INTU: variants seen among roughly 807,000 people sequenced by gnomAD.
The protein encoded by INTU is inturned planar cell polarity protein, also known as protein inturned.
Under a neutral mutation model 100.5 loss-of-function variants are expected in INTU, and 68 were observed. The observed-to-expected ratio is 0.68, with a 90% CI of 0.56 to 0.83. The LOEUF (loss-of-function observed/expected upper bound fraction) is 0.83, where lower values mean the gene tolerates loss of function less well. Ranked by LOEUF, INTU falls within the 40% of genes least tolerant of loss-of-function variation. INTU has a pLI of 0.00. For missense variants in INTU, 1,071 were observed against 1,114.7 expected, an observed-to-expected ratio of 0.96 and a Z score of 0.56; for synonymous variants, 357 against 395.7, an observed-to-expected ratio of 0.90 and a Z score of 1.16.
chr4:127,703,388 T>G (rs976119716), intron 9 of INTU, among the ~76,000 whole-genome samples: 6 of 152,316 alleles, frequency 3.9e-5, no homozygotes, highest in African/African-American at 1.4e-4. Context: ...CTTATCCCTT[T>G]CTCTCACTTC....
At chr4:127,678,574 C>A (rs1729351943) in intron 6 of INTU, among the ~76,000 whole-genome samples, 1 of 152,144 alleles carries the variant, frequency 6.6e-6, no homozygotes, top group African/African-American at 2.4e-5. Context: ...CACCACCAGG[C>A]CTGCCCTAAA....
At chr4:127,704,912 A>C (rs1730812772) in intron 10 of INTU, among the ~76,000 whole-genome samples, 1 of 151,596 alleles carries the variant, frequency 6.6e-6, no homozygotes, top group Non-Finnish European at 1.5e-5. Flanking sequence ...ACATGGTGAA[A>C]CCCCATCTCT....
intron 15 of INTU, among the ~76,000 whole-genome samples, 177 bp from the exon 16 acceptor site, chr4:127,716,148 T>C (rs1410056453): frequency 2.0e-5 from 3 of 152,222 alleles, no homozygotes; most frequent in Admixed American, 6.5e-5. Flanking sequence ...ACCTAAGGCA[T>C]ATATTATTTA....
chr4:127,685,370 A>G, intron 7 of INTU: 2 of 442,952 alleles, frequency 4.5e-6, no homozygotes, highest in Non-Finnish European at 4.5e-6. Context: ...CAGTTTATAC[A>G]TTTTTCCAAA....
chr4:127,647,364 C>T (rs1484948654), intron 2 of INTU, among the ~76,000 whole-genome samples: 1 of 152,184 alleles, frequency 6.6e-6, no homozygotes, highest in Non-Finnish European at 1.5e-5. Flanking sequence ...CATTCCTTGG[C>T]CAGCTTTCAG....
At chr4:127,708,798 G>T (rs911965667) in intron 13 of INTU, 130 bp downstream of exon 13, 2 of 532,934 alleles carry the variant, frequency 3.8e-6, no homozygotes, top group African/African-American at 3.8e-5. Context: ...GGTAATATCT[G>T]TGGTATTTCT....
chr4:127,648,023 GA>G (rs1433226845), intron 2 of INTU, among the ~76,000 whole-genome samples: 7 of 152,008 alleles, frequency 4.6e-5, no homozygotes, highest in African/African-American at 1.2e-4. Flanking sequence ...TTACATTGAG[GA>G]ACTGTGATAA....
rs763050553 is a variant in INTU at position 127,725,132 on chromosome 4, T to TAAAAAAAA, written c.*8714_*8721dup. 2.5e-5 allele frequency: 2 copies of TAAAAAAAA among 79,334 alleles called. No homozygotes were observed. Among genetic ancestry groups the TAAAAAAAA allele is most frequent in the Non-Finnish European group, 5.4e-5 (2 of 37,016 alleles). The allele number at this position is 79,334 out of a possible 1,614,324, so 4.9% of individuals were successfully genotyped here. ...GAAACCCTGTCTCTACTAAAAATAC[T>TAAAAAAAA]AAAAAAAAAAAAAAAAAAAAAAAAA... On this transcript the variant is annotated 3_prime_UTR_variant, in exon 16 of 16. Transcript: ENST00000335251.
At chr4:127,679,899 C>T (rs1387910312) in intron 6 of INTU, among the ~76,000 whole-genome samples, 1 of 152,018 alleles carries the variant, frequency 6.6e-6, no homozygotes, top group Non-Finnish European at 1.5e-5. Context: ...CAAATAGACG[C>T]AATAAAAAAT....
rs1195717918 is a variant in INTU, at chr4:127,724,553, A to G, written c.*8117A>G. On this transcript the variant is annotated 3_prime_UTR_variant, in exon 16 of 16. Coordinates refer to ENST00000335251, the MANE Select transcript of INTU (RefSeq NM_015693.4). The stretch of plus-strand genomic sequence containing the variant: ...AGTTGGAAAAGAAAACTAATGGTGG[A>G]GAATTTTCTTTGGCTGGGAGAATTT... 1 of 152,212 alleles carries G rather than the reference A, an allele frequency of 6.6e-6. No individual in the cohort carries two copies. The highest frequency in any genetic ancestry group is 1.5e-5 in the Non-Finnish European group (1 of 68,042). 9.4% of individuals were successfully genotyped at this position (152,212 alleles called of 1,614,324 possible). A position where few individuals can be genotyped will look rare whatever the true frequency, so the allele number is the denominator to read the frequency against.
chr4:127,646,914 T>C (rs189731966), intron 2 of INTU, among the ~76,000 whole-genome samples: 1 of 152,342 alleles, frequency 6.6e-6, no homozygotes, highest in Admixed American at 6.5e-5. Context: ...TAGTAACTGC[T>C]TTTCAAAAAC....
At chr4:127,644,563 C>T (rs924698857) in intron 2 of INTU, among the ~76,000 whole-genome samples, 8 of 152,000 alleles carry the variant, frequency 5.3e-5, no homozygotes, top group African/African-American at 9.7e-5. Context: ...CTTTTAAGGG[C>T]GTGTGTCATA....
chr4:127,661,968 A>C (rs1211266455), intron 3 of INTU, among the ~76,000 whole-genome samples: 1 of 152,054 alleles, frequency 6.6e-6, no homozygotes, highest in African/African-American at 2.4e-5. Context: ...ACTTTTTAAT[A>C]ATGTCCATTC....
intron 1 of INTU, among the ~76,000 whole-genome samples, chr4:127,637,037 C>T (rs985819760): frequency 3.3e-5 from 5 of 152,196 alleles, no homozygotes; most frequent in African/African-American, 1.2e-4. Flanking sequence ...CTACCCATCT[C>T]ATTTACTGAC....
In INTU at chr4:127,705,903, A is replaced by T. The variant is rs1035267802; in HGVS notation, c.1788+91A>T. 3 of 874,556 alleles carry T rather than the reference A, an allele frequency of 3.4e-6. No individual in the cohort carries two copies. In the Admixed American group the frequency reaches 6.6e-5, roughly 19 times the overall value. The allele number at this position is 874,556 out of a possible 1,614,324, so 54.2% of individuals were successfully genotyped here. ...GGGGTTGAGGGATGCAGCGGTAGGT[A>T]GGTATCTATTGACTGTCTAAATAAA... On this transcript the variant is annotated intron_variant, in intron 11 of 15. Coordinates refer to ENST00000335251, the MANE Select transcript of INTU (RefSeq NM_015693.4).
chr4:127,659,856 A>T (rs1728399233), intron 3 of INTU, among the ~76,000 whole-genome samples: 1 of 152,198 alleles, frequency 6.6e-6, no homozygotes, highest in Non-Finnish European at 1.5e-5. Context: ...AGGCTTCTTA[A>T]AGGAAATGAT....
intron 3 of INTU, among the ~76,000 whole-genome samples, chr4:127,662,408 GATTT>G: frequency 6.6e-6 from 1 of 152,230 alleles, no homozygotes; most frequent in South Asian, 2.1e-4. Context: ...TCAGGTCTTA[GATTT>G]AAGTCTTTAA....
chr4:127,644,045 A>C lies in INTU; in HGVS notation c.671A>C (p.Gln224Pro). ...LPGGSAMKSG[Q>P]VLIGDVLVAV... ...GGGGGATCTGCTATGAAGAGCGGTC[A>C]GGTACTCATTGGTAAGTGTTGCTGG... Residue 224 changes from glutamine to proline, a missense_variant, in exon 2 of 16, where the codon CAG (glutamine) becomes CCG (proline). By Grantham distance (76) the Gln-to-Pro change is moderately conservative (BLOSUM62 -1). Transcript: ENST00000335251. 1 of 1,611,850 alleles carries C rather than the reference A, an allele frequency of 6.2e-7. No individual in the cohort carries two copies. The highest frequency in any genetic ancestry group is 8.5e-7 in the Non-Finnish European group (1 of 1,178,246).
At chr4:127,681,901 C>A (rs1296877097) in intron 6 of INTU, among the ~76,000 whole-genome samples, 1 of 151,826 alleles carries the variant, frequency 6.6e-6, no homozygotes, top group Non-Finnish European at 1.5e-5. Context: ...TCAAACAAAT[C>A]TGCAAGAAAA....
Sources: allele counts gnomAD v4.1 joint callset (sites outside exome capture counted in the v4.1 genomes callset), GRCh38; gene constraint gnomAD v4.1.1; transcripts MANE v1.5; gene names NCBI Gene and HGNC (gene_info 2026-07-23, HGNC 2026-07-21).